PTPRD: variants seen among roughly 807,000 people sequenced by gnomAD.
PTPRD encodes the protein protein tyrosine phosphatase receptor type D, also known as receptor-type tyrosine-protein phosphatase delta.
In PTPRD, 34 loss-of-function variants were observed where a neutral mutation model predicts 214.5. That is an observed-to-expected ratio of 0.16 (90% CI 0.12 to 0.21). The LOEUF (loss-of-function observed/expected upper bound fraction) is 0.21, where lower values mean the gene tolerates loss of function less well. Among genes scored for constraint, PTPRD ranks in the 10% least tolerant of loss-of-function variants. The pLI is 1.00. For missense variants in PTPRD, 2,545 were observed against 2,398.7 expected (o/e 1.06, Z -1.27); for synonymous variants, 1,128 against 845.7 (o/e 1.33, Z -5.79).
chr9:10,068,511 G>A lies in PTPRD; in HGVS notation c.-544-34721C>T, dbSNP rs141468622. On this transcript the variant is annotated intron_variant, in intron 3 of 45. Transcript: ENST00000381196. ...ACACAAACTACTTAATTTCATCTACGTAATATGGGAATATGTCAGAAATAA... is the reference window on the plus strand; with the variant it reads ...ACACAAACTACTTAATTTCATCTACATAATATGGGAATATGTCAGAAATAA... 3.1e-3 allele frequency among the ~76,000 whole-genome samples: 465 copies of A among 151,914 alleles called. 5 individuals are homozygous for A. Among genetic ancestry groups the A allele is most frequent in the African/African-American group, 9.0e-3 (375 of 41,516 alleles).
chr9:9,815,786 T>A (rs1415707250), intron 5 of PTPRD, among the ~76,000 whole-genome samples: 1 of 152,030 alleles, frequency 6.6e-6, no homozygotes, highest in Non-Finnish European at 1.5e-5. Flanking sequence ...GGTCAAAGAG[T>A]CCAGACTTAT....
intron 7 of PTPRD, among the ~76,000 whole-genome samples, chr9:9,647,141 C>T (rs996128464): frequency 2.0e-5 from 3 of 152,128 alleles, no homozygotes; most frequent in African/African-American, 7.2e-5. Context: ...ATCTGATTCA[C>T]CATTGAGGTT....
chr9:9,026,825 C>A (rs1439530116), intron 10 of PTPRD, among the ~76,000 whole-genome samples: 1 of 151,794 alleles, frequency 6.6e-6, no homozygotes, highest in Non-Finnish European at 1.5e-5. Flanking sequence ...TCTCTACCGA[C>A]CCCATTCTCC....
intron 14 of PTPRD, among the ~76,000 whole-genome samples, chr9:8,607,570 G>A (rs934964724): frequency 6.6e-6 from 1 of 152,164 alleles, no homozygotes; most frequent in African/African-American, 2.4e-5. Flanking sequence ...TTGAGCCCGG[G>A]AGGGAGAAGT....
intron 5 of PTPRD, among the ~76,000 whole-genome samples, chr9:9,842,679 T>C (rs949643260): frequency 7.9e-5 from 12 of 152,060 alleles, no homozygotes; most frequent in Non-Finnish European, 1.2e-4. Context: ...TGTTTTTTTT[T>C]TTTTTCTTTT....
intron 35 of PTPRD, among the ~76,000 whole-genome samples, chr9:8,420,796 C>G (rs918246777): frequency 5.5e-5 from 8 of 145,456 alleles, no homozygotes; most frequent in Non-Finnish European, 1.0e-4. Flanking sequence ...TACTACAGAT[C>G]ATTTTTCTTT....
chr9:10,151,023 G>C (rs2099057008), intron 3 of PTPRD, among the ~76,000 whole-genome samples: 1 of 150,244 alleles, frequency 6.7e-6, no homozygotes, highest in African/African-American at 2.4e-5. Flanking sequence ...TAATATTTGG[G>C]TGTATGAGTG....
chr9:8,748,522 C>CAAAAAAAAA (rs1239091825), intron 11 of PTPRD, among the ~76,000 whole-genome samples: 59 of 37,592 alleles, frequency 1.6e-3, no homozygotes, highest in African/African-American at 3.9e-3. Flanking sequence ...CCTGCAACTG[C>CAAAAAAAAA]AAAAAAAAAA....
At chr9:8,801,667 G>A (rs1215330169) in intron 11 of PTPRD, among the ~76,000 whole-genome samples, 1 of 152,172 alleles carries the variant, frequency 6.6e-6, no homozygotes. Flanking sequence ...AGTGGGCAGA[G>A]ATGGCCTCAC....
At chr9:9,547,960 T>G (rs989105338) in intron 8 of PTPRD, among the ~76,000 whole-genome samples, 1 of 151,988 alleles carries the variant, frequency 6.6e-6, no homozygotes, top group Non-Finnish European at 1.5e-5. Context: ...CTGACTTTTC[T>G]CACAAAAAAT....
At position 8,578,468 on chromosome 9, in the gene PTPRD, A is replaced by C. The variant is rs150628820; in HGVS notation, c.353-49689T>G. Among the ~76,000 whole-genome samples the C allele has an allele frequency of 4.0e-3, 604 of 152,300 alleles. 6 individuals carry two copies. The highest frequency in any genetic ancestry group is 0.013 in the African/African-American group (551 of 41,556). ...GCTGTAATACTATTATTTGATTCAT[A>C]ATTTAATTCGGTGTTTGCAAACACG... On this transcript the variant is annotated intron_variant, in intron 14 of 45. Coordinates refer to ENST00000381196, the MANE Select transcript of PTPRD (RefSeq NM_002839.4).
intron 2 of PTPRD, among the ~76,000 whole-genome samples, chr9:10,586,784 AC>A (rs1413312035): frequency 2.3e-5 from 1 of 42,860 alleles, no homozygotes; most frequent in Non-Finnish European, 5.7e-5. Context: ...CTTATAGACA[AC>A]TTTTTTTTTT....
At chr9:10,577,408 C>A (rs948323124) in intron 2 of PTPRD, among the ~76,000 whole-genome samples, 1 of 152,174 alleles carries the variant, frequency 6.6e-6, no homozygotes, top group Non-Finnish European at 1.5e-5. Flanking sequence ...AGGCAAATTT[C>A]TGAGACTGTG....
intron 11 of PTPRD, among the ~76,000 whole-genome samples, chr9:8,908,584 C>A (rs57781824): frequency 0.21 from 32,295 of 151,744 alleles, 4,542 homozygotes; most frequent in African/African-American, 0.38. Flanking sequence ...ACTTAGGAGG[C>A]AGCTAAAGTA....
rs1336099691 is a variant in PTPRD, at chr9:9,613,127, C to CATATATATATATAT, written c.-286-38347_-286-38346insATATATATATATAT. On this transcript the variant is annotated intron_variant, in intron 7 of 45. Coordinates refer to ENST00000381196, the MANE Select transcript of PTPRD (RefSeq NM_002839.4). ...CATATAATAGCTAGGCTGCAGTATA[C>CATATATATATATAT]ATACATACATATATATATATATATA... 2.6e-4 allele frequency among the ~76,000 whole-genome samples: 10 copies of CATATATATATATAT among 39,112 alleles called. 1 individual carries two copies. The highest frequency in any genetic ancestry group is 5.0e-4 in the African/African-American group (6 of 11,882). 25.7% of individuals were successfully genotyped at this position (39,112 alleles called of 152,430 possible). A position where few individuals can be genotyped will look rare whatever the true frequency, so the allele number is the denominator to read the frequency against.
intron 5 of PTPRD, among the ~76,000 whole-genome samples, chr9:9,826,664 T>C (rs10816193): frequency 0.031 from 4,652 of 152,118 alleles, 75 homozygotes; most frequent in Middle Eastern, 0.058. Context: ...TATAAAACTT[T>C]AAGCAAGATG....
At chr9:10,334,454 T>A (rs751951189) in intron 3 of PTPRD, among the ~76,000 whole-genome samples, 2 of 138,666 alleles carry the variant, frequency 1.4e-5, no homozygotes, top group Admixed American at 7.4e-5. Flanking sequence ...TATAACATAC[T>A]GAAAACATCA....
chr9:9,120,600 T>A (rs2099816689), intron 10 of PTPRD, among the ~76,000 whole-genome samples: 1 of 152,218 alleles, frequency 6.6e-6, no homozygotes, highest in African/African-American at 2.4e-5. Flanking sequence ...ATAAGCTACC[T>A]GCGTAAGTGG....
At chr9:9,702,241 T>A (rs1211972488) in intron 7 of PTPRD, among the ~76,000 whole-genome samples, 1 of 152,106 alleles carries the variant, frequency 6.6e-6, no homozygotes, top group East Asian at 1.9e-4. Flanking sequence ...TGAAGTCACT[T>A]AGGGAGAGGG....
Sources: allele counts gnomAD v4.1 joint callset (sites outside exome capture counted in the v4.1 genomes callset), GRCh38; gene constraint gnomAD v4.1.1; transcripts MANE v1.5; gene names NCBI Gene and HGNC (gene_info 2026-07-23, HGNC 2026-07-21).